The following TLK1 variants were observed in gnomAD, a reference collection of about 807,000 sequenced individuals.
The protein encoded by TLK1 is serine/threonine-protein kinase tousled-like 1.
Under a neutral mutation model 105.3 loss-of-function variants are expected in TLK1, and 24 were observed. The ratio of observed to expected loss-of-function variants is 0.23; its 90% CI spans 0.17 to 0.32. The LOEUF (loss-of-function observed/expected upper bound fraction) is 0.32, where lower values mean the gene tolerates loss of function less well. TLK1 is among the 10% of genes least tolerant of loss of function. The pLI is 1.00. For missense variants in TLK1, 558 were observed against 910.5 expected, an observed-to-expected ratio of 0.61 and a Z score of 4.98; for synonymous variants, 321 against 310.4, an observed-to-expected ratio of 1.03 and a Z score of -0.36.
chr2:171,187,057 C>CAAAAAAAAAAAAAAAAAAAAAA (rs71013019), intron 1 of TLK1, among the ~76,000 whole-genome samples: 4 of 34,056 alleles, frequency 1.2e-4, no homozygotes, highest in African/African-American at 2.7e-4. Flanking sequence ...GACTCTGTCT[C>CAAAAAAAAAAAAAAAAAAAAAA]AAAAAAAAAA....
chr2:171,027,289 C>T (rs1444161576), intron 12 of TLK1, among the ~76,000 whole-genome samples: 1 of 151,944 alleles, frequency 6.6e-6, no homozygotes, highest in Non-Finnish European at 1.5e-5. Flanking sequence ...AAGAACCTGA[C>T]AAGCAGAAAG....
chr2:171,012,515 C>G (rs1461968576), intron 13 of TLK1, among the ~76,000 whole-genome samples: 3 of 152,044 alleles, frequency 2.0e-5, no homozygotes, highest in Admixed American at 6.6e-5. Context: ...GAGACAGAGT[C>G]TCGCTCTGGC....
At chr2:171,211,132 A>C (rs1192878853) in intron 1 of TLK1, among the ~76,000 whole-genome samples, 3 of 152,148 alleles carry the variant, frequency 2.0e-5, no homozygotes, top group Non-Finnish European at 4.4e-5. Flanking sequence ...ACTAAAAAGC[A>C]CTCTGAAGAC....
intron 1 of TLK1, among the ~76,000 whole-genome samples, chr2:171,230,172 C>A (rs947358869): frequency 6.6e-6 from 1 of 152,174 alleles, no homozygotes; most frequent in African/African-American, 2.4e-5. Context: ...TTGCTTTGCA[C>A]AAATAACAAA....
At chr2:171,092,148 A>T (rs1689264573) in intron 2 of TLK1, among the ~76,000 whole-genome samples, 1 of 152,104 alleles carries the variant, frequency 6.6e-6, no homozygotes. Context: ...CAGGCTTCCA[A>T]ATCATTCTGT....
At chr2:171,002,352 G>A (rs1575501740) in intron 18 of TLK1, among the ~76,000 whole-genome samples, 1 of 151,896 alleles carries the variant, frequency 6.6e-6, no homozygotes, top group African/African-American at 2.4e-5. Context: ...TCCGCCTCCC[G>A]GGTTCATGCC....
chr2:171,023,520 C>T (rs2105385925), intron 12 of TLK1, among the ~76,000 whole-genome samples: 1 of 152,142 alleles, frequency 6.6e-6, no homozygotes, highest in East Asian at 1.9e-4. Context: ...AACACATTCT[C>T]TCCAACTAAT....
chr2:171,041,067 T>C (rs914135004), intron 11 of TLK1, among the ~76,000 whole-genome samples: 3 of 152,144 alleles, frequency 2.0e-5, no homozygotes, highest in Non-Finnish European at 4.4e-5. Context: ...AAAATCTTGG[T>C]TAAAATGTAT....
chr2:171,159,847 G>C (rs1360312239), intron 1 of TLK1: 1 of 156,952 alleles, frequency 6.4e-6, no homozygotes, highest in Non-Finnish European at 1.4e-5. Flanking sequence ...CTCTATGGGA[G>C]GAGTGCGCGG....
Position 170,991,192 on chromosome 2 carries a change from T to C in TLK1, c.*2588A>G, listed in dbSNP as rs997568639. The C allele has an allele frequency of 1.3e-5, 2 of 152,190 alleles. No individual in the cohort carries two copies. The highest frequency in any genetic ancestry group is 4.8e-5 in the African/African-American group (2 of 41,450). The allele number at this position is 152,190 out of a possible 1,614,324, so 9.4% of individuals were successfully genotyped here. A position where few individuals can be genotyped will look rare whatever the true frequency, so the allele number is the denominator to read the frequency against. On this transcript the variant is annotated 3_prime_UTR_variant, in exon 21 of 21. Transcript: ENST00000431350. ...TGTTGATTTTACCCTACATCAGTGC[T>C]GACTCTTAATAAAAGAGAGGCCTTG...
chr2:171,092,891 T>C (rs1689296755), intron 2 of TLK1, among the ~76,000 whole-genome samples: 1 of 151,656 alleles, frequency 6.6e-6, no homozygotes, highest in Non-Finnish European at 1.5e-5. Flanking sequence ...GTTAGGAAAA[T>C]TAGTAAAATA....
intron 1 of TLK1, among the ~76,000 whole-genome samples, chr2:171,204,598 A>G (rs1693467028): frequency 6.6e-6 from 1 of 152,070 alleles, no homozygotes; most frequent in Non-Finnish European, 1.5e-5. Context: ...GAAATGATAT[A>G]CATATCTGAA....
intron 18 of TLK1, among the ~76,000 whole-genome samples, chr2:170,998,780 T>C (rs1684208315): frequency 1.3e-5 from 2 of 152,234 alleles, no homozygotes; most frequent in Middle Eastern, 3.4e-3. Context: ...AGTTCATAAT[T>C]TTTTTTGATA....
chr2:171,003,664 A>G (rs1220276454), intron 18 of TLK1, among the ~76,000 whole-genome samples: 2 of 152,246 alleles, frequency 1.3e-5, no homozygotes, highest in African/African-American at 4.8e-5. Flanking sequence ...ACAGATACTC[A>G]AAACAGTTGA....
intron 3 of TLK1, among the ~76,000 whole-genome samples, chr2:171,071,536 C>T (rs1479552231): frequency 6.6e-6 from 1 of 152,190 alleles, no homozygotes; most frequent in African/African-American, 2.4e-5. Flanking sequence ...ATCTGCCTGC[C>T]TCTGCCTCCC....
At chr2:171,064,159 T>C (rs1024135618) in intron 3 of TLK1, among the ~76,000 whole-genome samples, 11 of 152,124 alleles carry the variant, frequency 7.2e-5, no homozygotes, top group African/African-American at 2.4e-4. Flanking sequence ...GAGAAGAATT[T>C]ACAGATGGAG....
chr2:171,062,934 G>GT (rs1434890630), intron 3 of TLK1, among the ~76,000 whole-genome samples: 19 of 152,248 alleles, frequency 1.2e-4, no homozygotes, highest in African/African-American at 4.3e-4. Flanking sequence ...ATTTTGGGTA[G>GT]GTAGTTTACT....
chr2:171,190,710 G>C (rs551978090), intron 1 of TLK1, among the ~76,000 whole-genome samples: 4 of 152,124 alleles, frequency 2.6e-5, no homozygotes, highest in Non-Finnish European at 5.9e-5. Flanking sequence ...AACAAAAAGC[G>C]TGCAGCAAAA....
rs185865337 is a variant in TLK1, at chr2:171,080,060, G to A, written c.330+2721C>T. ...AAAAAGTAATAAACTGTCTGGGCAC[G>A]GTGGCTTACGCCTATAATCCCAGCT... On this transcript the variant is annotated intron_variant, in intron 3 of 20. Transcript: ENST00000431350. 2.6e-5 allele frequency among the ~76,000 whole-genome samples: 4 copies of A among 151,892 alleles called. 1 individual carries two copies. The highest frequency in any genetic ancestry group is 3.9e-4 in the East Asian group (2 of 5,180).
Sources: allele counts gnomAD v4.1 joint callset (sites outside exome capture counted in the v4.1 genomes callset), GRCh38; gene constraint gnomAD v4.1.1; transcripts MANE v1.5; gene names NCBI Gene and HGNC (gene_info 2026-07-23, HGNC 2026-07-21).